The following TRAPPC2L variants were observed in gnomAD, a reference collection of about 807,000 sequenced individuals.
TRAPPC2L encodes the protein trafficking protein particle complex subunit 2L.
TRAPPC2L carries 17 observed loss-of-function variants against 13.2 expected under a neutral mutation model. The observed-to-expected ratio is 1.29, with a 90% CI of 0.88 to 1.93. TRAPPC2L has a LOEUF of 1.93. TRAPPC2L is among the 30% of genes most tolerant of loss of function. TRAPPC2L has a pLI of 0.00. For synonymous variants in TRAPPC2L, 150 were observed against 98.1 expected (o/e 1.53, Z -3.12); for missense variants, 359 against 252.1 (o/e 1.42, Z -2.87).
At chr16:88,859,730 C>A in exon 3 of TRAPPC2L, 1 of 1,613,900 alleles carries the variant, frequency 6.2e-7, no homozygotes, top group East Asian at 2.2e-5. Context: ...CACAGCCCTT[C>A]GAGACAACGA....
chr16:88,862,202 C>G (rs1968432537), exon 4 of TRAPPC2L: 1 of 153,360 alleles, frequency 6.5e-6, no homozygotes, highest in Non-Finnish European at 1.5e-5. Flanking sequence ...TGCCCGAGTC[C>G]TGGCTGTGGT....
Position 88,860,380 on chromosome 16 carries a change from T to C in TRAPPC2L, c.*56T>C, listed in dbSNP as rs563287157. ...ACCTGGTTTGCAGGTGTCTTCCGAA[T>C]AGTCCACAAAGTAAACAGATTTAAC... On this transcript the variant is annotated 3_prime_UTR_variant, in exon 4 of 4. Transcript: ENST00000565504. 6.8e-4 allele frequency: 434 copies of C among 634,530 alleles called. 2 individuals are homozygous for C. The Middle Eastern group carries it at 6.9e-3, about 10-fold the overall frequency. The allele number at this position is 634,530 out of a possible 1,614,324, so 39.3% of individuals were successfully genotyped here.
upstream of TRAPPC2L, chr16:88,857,013 C>G: frequency 5.0e-6 from 7 of 1,388,218 alleles, no homozygotes; most frequent in Non-Finnish European, 6.5e-6. Context: ...CGCGGAGGGA[C>G]GGGAGGCGGG....
At chr16:88,861,478 G>A (rs768717546) in exon 4 of TRAPPC2L, 11 of 353,608 alleles carry the variant, frequency 3.1e-5, no homozygotes, top group South Asian at 4.1e-5. Flanking sequence ...TCTGGATTCC[G>A]CCCGGCCTTA....
At chr16:88,861,934 T>C (rs1054273836) in exon 4 of TRAPPC2L, 2 of 243,676 alleles carry the variant, frequency 8.2e-6, no homozygotes, top group African/African-American at 2.3e-5. Context: ...TTAGAAATTA[T>C]AGAAGAAAAA....
At chr16:88,857,643 T>C (rs1968043272) in intron 1 of TRAPPC2L, among the ~76,000 whole-genome samples, 2 of 152,256 alleles carry the variant, frequency 1.3e-5, no homozygotes, top group African/African-American at 4.8e-5. Flanking sequence ...CTTAGGATGC[T>C]GTCTGAATAA....
At chr16:88,860,008 C>G (rs763418033) in exon 4 of TRAPPC2L, 3 of 1,483,220 alleles carry the variant, frequency 2.0e-6, no homozygotes, top group Non-Finnish European at 2.7e-6. Flanking sequence ...CACCTTCTTT[C>G]TGTAGGACAT....
At position 88,861,988 on chromosome 16, in the gene TRAPPC2L, C is replaced by T. The variant is rs114574988; in HGVS notation, c.*1664C>T. 623 of 208,314 alleles carry T rather than the reference C, an allele frequency of 3.0e-3. 3 individuals are homozygous for T. The highest frequency in any genetic ancestry group is 0.014 in the African/African-American group (572 of 42,328). 12.9% of individuals were successfully genotyped at this position (208,314 alleles called of 1,614,324 possible). A position where few individuals can be genotyped will look rare whatever the true frequency, so the allele number is the denominator to read the frequency against. On this transcript the variant is annotated 3_prime_UTR_variant, in exon 4 of 4. Coordinates refer to ENST00000565504, the Ensembl canonical transcript of TRAPPC2L. ...AAAACTGCATGCCCCAGGCCTCCCC[C>T]GCCCCAGGGTGAATTGGAAGCCCTG...
Position 88,859,636 on chromosome 16 carries a change from G to A in TRAPPC2L, c.207-27G>A, listed in dbSNP as rs375073884. 44 of 1,610,280 alleles carry A rather than the reference G, an allele frequency of 2.7e-5. No homozygotes were observed. The African/African-American group carries it at 4.8e-4, about 18-fold the overall frequency. On this transcript the variant is annotated intron_variant, in intron 2 of 3. Transcript: ENST00000565504. ...CCTCCACCGGCAGTCCCTGTGTTAC[G>A]AGTGCCTTCCCTAACCAGCTGTGCA...
At chr16:88,858,893 G>A in intron 2 of TRAPPC2L, 102 bp downstream of exon 2, 4 of 1,314,958 alleles carry the variant, frequency 3.0e-6, no homozygotes, top group South Asian at 1.5e-5. Context: ...AGAGGTGAGA[G>A]TTTTTAGCCA....
At chr16:88,859,406 C>T (rs960811936) in intron 2 of TRAPPC2L, 14 of 699,114 alleles carry the variant, frequency 2.0e-5, no homozygotes, top group Non-Finnish European at 2.9e-5. Flanking sequence ...CAGACAGACT[C>T]GGAGTCTAGG....
exon 4 of TRAPPC2L, chr16:88,861,721 T>A: frequency 2.2e-6 from 1 of 463,656 alleles, no homozygotes; most frequent in South Asian, 1.5e-5. Context: ...CGGTCAAGGC[T>A]CAGCCCGCTG....
At chr16:88,857,135 C>T (rs908742919) in exon 1 of TRAPPC2L, 2 of 1,566,930 alleles carry the variant, frequency 1.3e-6, no homozygotes, top group Non-Finnish European at 1.7e-6. Flanking sequence ...CGGTGCCTGG[C>T]GCCGAGCCTC....
chr16:88,856,346 T>A, upstream of TRAPPC2L: 1 of 702,354 alleles, frequency 1.4e-6, no homozygotes, highest in Non-Finnish European at 2.6e-6. Context: ...AGCAGCCTCT[T>A]CCTCCCTTTG....
exon 4 of TRAPPC2L, chr16:88,861,458 T>C (rs1027658014): frequency 2.6e-5 from 9 of 347,416 alleles, no homozygotes; most frequent in Non-Finnish European, 5.2e-5. Flanking sequence ...TCTTTGCATC[T>C]GGCTCAATGT....
At chr16:88,861,348 C>T (rs1968374520) in exon 4 of TRAPPC2L, 3 of 354,622 alleles carry the variant, frequency 8.5e-6, no homozygotes, top group Non-Finnish European at 1.6e-5. Context: ...GAGGGGGTGG[C>T]CTCCTGAGCC....
At chr16:88,860,719 C>G in exon 4 of TRAPPC2L, 1 of 641,860 alleles carries the variant, frequency 1.6e-6, no homozygotes, top group South Asian at 1.9e-5. Context: ...GCACAGGGAA[C>G]TTGGAGGCAG....
At chr16:88,861,971 A>G in exon 4 of TRAPPC2L, 1 of 246,458 alleles carries the variant, frequency 4.1e-6, no homozygotes, top group Non-Finnish European at 8.2e-6. Context: ...GGAAAACTGC[A>G]TGCCCCAGGC....
chr16:88,856,414 G>C (rs757086523), upstream of TRAPPC2L: 1 of 701,108 alleles, frequency 1.4e-6, no homozygotes, highest in Admixed American at 2.0e-5. Flanking sequence ...AAGGTCAGAC[G>C]GGGGAGGCAG....
Sources: allele counts gnomAD v4.1 joint callset (sites outside exome capture counted in the v4.1 genomes callset), GRCh38; gene constraint gnomAD v4.1.1; transcripts MANE v1.5; gene names NCBI Gene and HGNC (gene_info 2026-07-23, HGNC 2026-07-21).